SLC22A8: variants seen among roughly 807,000 people sequenced by gnomAD.
SLC22A8 encodes the protein organic anion transporter 3.
Under a neutral mutation model 48.4 loss-of-function variants are expected in SLC22A8, and 40 were observed. The observed-to-expected ratio is 0.83, with a 90% confidence interval of 0.64 to 1.08. The LOEUF (loss-of-function observed/expected upper bound fraction) is 1.08. Among genes scored for constraint, SLC22A8 ranks in the 50% least tolerant of loss-of-function variants. The pLI is 0.00. For missense variants in SLC22A8, 606 were observed against 699.0 expected (o/e 0.87, Z 1.50); for synonymous variants, 268 against 286.3 (o/e 0.94, Z 0.65).
In SLC22A8 at chr11:63,006,623, T is replaced by TTTTTTTTTTTTTG. The variant is rs1317151675; in HGVS notation, c.334-5801_334-5800insCAAAAAAAAAAAA. 1.1e-4 allele frequency among the ~76,000 whole-genome samples: 14 copies of TTTTTTTTTTTTTG among 127,854 alleles called. 1 individual carries two copies. Among genetic ancestry groups the TTTTTTTTTTTTTG allele is most frequent in the African/African-American group, 4.5e-4 (13 of 28,744 alleles). 83.9% of individuals were successfully genotyped at this position (127,854 alleles called of 152,430 possible). ...TTTTTTTTTTTTTTTTTTTTTTTTT[T>TTTTTTTTTTTTTG]TTGAGACAGAGTCTTGCTCTGTTAC... On this transcript the variant is annotated intron_variant, in intron 2 of 10. Transcript: ENST00000336232.
rs150176294 is a variant in SLC22A8 at position 62,999,068 on chromosome 11, C to A, written c.614G>T (p.Arg205Leu). 7 of 1,613,454 alleles carry A rather than the reference C, an allele frequency of 4.3e-6. No homozygotes were observed. Among genetic ancestry groups the A allele is most frequent in the Non-Finnish European group, 5.9e-6 (7 of 1,179,540 alleles). ...TGCTGTCGACATGATGGCCCGCATC[C>A]GGGTAGGCACCCATTCCACATCTGT... is the stretch of plus-strand genomic sequence containing the variant. ...VILNVEWVPTRMRAIMSTALG... is the reference protein window; with the variant it reads ...VILNVEWVPTLMRAIMSTALG... The change falls in exon 5 of 11, where the codon CGG becomes CTG. Residue 205 changes from arginine to leucine, a missense_variant. Arg to Leu is a moderately radical substitution (Grantham distance 102, BLOSUM62 -2). Transcript: ENST00000336232.
intron 7 of SLC22A8, chr11:62,995,056 C>G: frequency 2.2e-6 from 1 of 456,560 alleles, no homozygotes; most frequent in Non-Finnish European, 4.1e-6. Flanking sequence ...CCAAAGGAGG[C>G]AGTAAATGAT....
Position 62,992,829 on chromosome 11 carries a change from T to C in SLC22A8, c.*408A>G. On this transcript the variant is annotated 3_prime_UTR_variant, in exon 11 of 11. Transcript: ENST00000336232. ...CCATTCCTGAACATCATGGCTAGAG[T>C]TCTTATCGCTGTTTATTGAAACCTC... 5.2e-6 allele frequency: 1 copy of C among 192,778 alleles called. No individual in the cohort carries two copies. The highest frequency in any genetic ancestry group is 1.6e-4 in the South Asian group (1 of 6,334). The allele number at this position is 192,778 out of a possible 1,614,324, so 11.9% of individuals were successfully genotyped here.
At chr11:63,002,333 G>A (rs2086505472) in intron 2 of SLC22A8, among the ~76,000 whole-genome samples, 2 of 152,238 alleles carry the variant, frequency 1.3e-5, no homozygotes, top group Non-Finnish European at 1.5e-5. Context: ...ATTAAATCAA[G>A]CTAATTAACA....
chr11:63,002,626 C>T (rs1164289122), intron 2 of SLC22A8, among the ~76,000 whole-genome samples: 2 of 152,068 alleles, frequency 1.3e-5, no homozygotes, highest in Non-Finnish European at 2.9e-5. Context: ...TAAATGAGAT[C>T]ATGCTGATAA....
intron 2 of SLC22A8, among the ~76,000 whole-genome samples, chr11:63,013,437 G>A (rs1484756605): frequency 2.6e-5 from 4 of 152,134 alleles, no homozygotes; most frequent in Admixed American, 6.5e-5. Context: ...TGCAACGAAC[G>A]CATCTCTTCT....
At chr11:63,010,566 T>C (rs978861552) in intron 2 of SLC22A8, among the ~76,000 whole-genome samples, 11 of 152,198 alleles carry the variant, frequency 7.2e-5, no homozygotes, top group African/African-American at 2.2e-4. Flanking sequence ...GCCCTTGCTG[T>C]GCTGGTACCA....
chr11:62,996,005 C>T (rs761370077), intron 6 of SLC22A8, 24 bp downstream of exon 6: 1 of 1,614,110 alleles, frequency 6.2e-7, no homozygotes, highest in East Asian at 2.2e-5. Context: ...GTTCTGCTCC[C>T]AGACTATAGT....
intron 2 of SLC22A8, among the ~76,000 whole-genome samples, chr11:63,005,867 A>G (rs573639481): frequency 6.6e-6 from 1 of 152,238 alleles, no homozygotes; most frequent in South Asian, 2.1e-4. Context: ...TGAGCCACCC[A>G]ATTTGTTGTG....
At chr11:62,995,166 G>A (rs947893060) in intron 7 of SLC22A8, 1 of 292,668 alleles carries the variant, frequency 3.4e-6, no homozygotes, top group African/African-American at 2.1e-5. Flanking sequence ...TGAACTGTGG[G>A]ATCCCTTTGA....
At chr11:63,009,303 G>T (rs1022143612) in intron 2 of SLC22A8, among the ~76,000 whole-genome samples, 1 of 152,098 alleles carries the variant, frequency 6.6e-6, no homozygotes, top group Admixed American at 6.5e-5. Flanking sequence ...GCTCACAAGA[G>T]GCCTCACTGG....
At position 63,014,690 on chromosome 11, in the gene SLC22A8, C is replaced by T. The variant is rs1228653354; in HGVS notation, c.269G>A (p.Arg90Lys). The T allele has an allele frequency of 6.2e-7, 1 of 1,613,872 alleles. No individual in the cohort carries two copies. The highest frequency in any genetic ancestry group is 8.5e-7 in the Non-Finnish European group (1 of 1,179,826). ...GCCATCCAGGCATGGCTCCATGGCCCTCTGGGTGTCATTGGGCAGGCTGGC... is the reference window on the plus strand; with the variant it reads ...GCCATCCAGGCATGGCTCCATGGCCTTCTGGGTGTCATTGGGCAGGCTGGC... ...PNASLPNDTQ[R>K]AMEPCLDGWV... is the part of the protein sequence containing the mutation. Residue 90 changes from arginine (R) to lysine (K), a missense_variant, in exon 2 of 11, where the codon AGG (arginine) becomes AAG (lysine). Physicochemically the swap from Arg to Lys is conservative, Grantham distance 26. Transcript: ENST00000336232.
At chr11:63,012,166 T>C (rs953751155) in intron 2 of SLC22A8, among the ~76,000 whole-genome samples, 2 of 152,022 alleles carry the variant, frequency 1.3e-5, no homozygotes, top group African/African-American at 2.4e-5. Context: ...ATTTTTATGT[T>C]TTTAGTAGAG....
At chr11:63,007,587 A>G (rs2086570472) in intron 2 of SLC22A8, among the ~76,000 whole-genome samples, 1 of 152,146 alleles carries the variant, frequency 6.6e-6, no homozygotes, top group African/African-American at 2.4e-5. Flanking sequence ...TCAGCCTCCC[A>G]AAATGCTGGG....
intron 1 of SLC22A8, among the ~76,000 whole-genome samples, chr11:63,015,296 T>C (rs946989684): frequency 1.2e-4 from 18 of 152,166 alleles, no homozygotes; most frequent in Non-Finnish European, 2.4e-4. Context: ...CACAGCTGCG[T>C]GAGCTCGGGT....
At chr11:63,007,123 C>A (rs892486465) in intron 2 of SLC22A8, among the ~76,000 whole-genome samples, 1 of 152,086 alleles carries the variant, frequency 6.6e-6, no homozygotes, top group Admixed American at 6.6e-5. Flanking sequence ...GACTGTGTCT[C>A]CATGCATAGG....
At chr11:63,007,514 C>T (rs993213702) in intron 2 of SLC22A8, among the ~76,000 whole-genome samples, 20 of 152,202 alleles carry the variant, frequency 1.3e-4, no homozygotes, top group Middle Eastern at 3.4e-3. Flanking sequence ...TTAGTAGAGA[C>T]GAGGTTTCAC....
chr11:63,012,759 T>A (rs1215074405), intron 2 of SLC22A8, among the ~76,000 whole-genome samples: 1 of 152,182 alleles, frequency 6.6e-6, no homozygotes, highest in Non-Finnish European at 1.5e-5. Flanking sequence ...CTGCCCATGA[T>A]CCTTGAGAGC....
At position 62,994,737 on chromosome 11, in the gene SLC22A8, A is replaced by G. The variant is rs1316489648; in HGVS notation, c.1021T>C (p.Tyr341His). 1.4e-5 allele frequency: 22 copies of G among 1,614,112 alleles called. No homozygotes were observed. Among genetic ancestry groups the G allele is most frequent in the Non-Finnish European group, 1.9e-5 (22 of 1,180,026 alleles). Residue 341 changes from tyrosine to histidine, a missense_variant, in exon 8 of 11, where the codon TAC becomes CAC. Physicochemically the swap from Tyr to His is moderately conservative, Grantham distance 83. Coordinates refer to ENST00000336232, the MANE Select transcript of SLC22A8 (RefSeq NM_004254.4). ...SLAWFATGFA[Y>H]YSLAMGVEEF... The stretch of plus-strand genomic sequence containing the variant: ...TCCACACCCATAGCCAAACTATAGT[A>G]GGCAAAACCGGTAGCAAACCTGAGA...
Sources: gnomAD v4.1 joint callset for allele counts (sites outside exome capture counted in the v4.1 genomes callset) on GRCh38, gnomAD v4.1.1 for gene constraint, MANE v1.5 for transcripts, NCBI Gene and HGNC (gene_info 2026-07-23, HGNC 2026-07-21) for gene names.